SUPT6H: variants seen among roughly 807,000 people sequenced by gnomAD.
The protein encoded by SUPT6H is transcription elongation factor SPT6.
Under a neutral mutation model 222.3 loss-of-function variants are expected in SUPT6H, and 11 were observed. The observed-to-expected ratio is 0.05, with a 90% CI of 0.03 to 0.08. The LOEUF is 0.08. Ranked by LOEUF, SUPT6H falls within the 10% of genes least tolerant of loss-of-function variation. The pLI is 1.00. For missense variants in SUPT6H, 1,422 were observed against 2,216.0 expected (o/e 0.64, Z 7.19); for synonymous variants, 762 against 801.2 (o/e 0.95, Z 0.83).
chr17:28,697,591 C>T (rs758695344), intron 30 of SUPT6H, 29 bp from the exon 31 acceptor site: 5 of 1,571,520 alleles, frequency 3.2e-6, no homozygotes, highest in Non-Finnish European at 4.4e-6. Context: ...CTGGATATGA[C>T]ACATGGGGCC....
rs760019141 is a variant in SUPT6H at position 28,693,721 on chromosome 17, C to T, written c.3659C>T (p.Ser1220Leu). 1.9e-6 allele frequency: 3 copies of T among 1,614,228 alleles called. No individual in the cohort carries two copies. The highest frequency in any genetic ancestry group is 2.2e-5 in the South Asian group (2 of 91,080). ...GTGTGGAACCACTTTGACAGCGGTT[C>T]GTGCCCAGGCCAGGCCATCGGTGTC... Reference protein sequence around the residue: ...SEVWNHFDSGSCPGQAIGVKT... With the variant: ...SEVWNHFDSGLCPGQAIGVKT... The change falls in exon 28 of 37, where the codon TCG (serine) becomes TTG (leucine). Residue 1220 changes from serine to leucine, a missense_variant. Around this residue, in one of 13 missense-constraint regions of SUPT6H, gnomAD observed 39 missense variants for 124.2 expected, o/e 0.31. Transcript: ENST00000314616.
intron 12 of SUPT6H, 77 bp from the exon 13 acceptor site, chr17:28,681,805 G>A (rs749482823): frequency 1.5e-6 from 2 of 1,307,082 alleles, no homozygotes; most frequent in Non-Finnish European, 2.1e-6. Flanking sequence ...ACCCTTTGAG[G>A]CTTCTCTCCT....
At chr17:28,671,107 G>A (rs897509612) in intron 1 of SUPT6H, 1 of 152,124 alleles carries the variant, frequency 6.6e-6, no homozygotes, top group African/African-American at 2.4e-5. Flanking sequence ...AGCTCCGTAA[G>A]GGCAATTTTG....
Position 28,701,755 on chromosome 17 carries a change from C to T in SUPT6H, c.*130C>T. ...GTGAGACGTTCTCTTTGGTGGTCAA[C>T]CCGGATGGGTGACAGGCTGGATGGC... is the stretch of plus-strand genomic sequence containing the variant. On this transcript the variant is annotated 3_prime_UTR_variant, in exon 37 of 37. Transcript: ENST00000314616. 1 of 996,000 alleles carries T rather than the reference C, an allele frequency of 1.0e-6. No homozygotes were observed. Among genetic ancestry groups the T allele is most frequent in the African/African-American group, 1.6e-5 (1 of 61,664 alleles). 61.7% of individuals were successfully genotyped at this position (996,000 alleles called of 1,614,324 possible). A position where few individuals can be genotyped will look rare whatever the true frequency, so the allele number is the denominator to read the frequency against.
Position 28,697,100 on chromosome 17 carries a change from C to T in SUPT6H, c.4209+18C>T. ...ACAGTGAGGTGAGAGCCAGTGCCTG[C>T]CCACCTCCCATCCCACTCCTGCTTC... On this transcript the variant is annotated intron_variant, in intron 30 of 36. Transcript: ENST00000314616. 1 of 1,605,848 alleles carries T rather than the reference C, an allele frequency of 6.2e-7. No homozygotes were observed.
At chr17:28,683,227 A>G in intron 15 of SUPT6H, 41 bp from the exon 16 acceptor site, 1 of 1,606,520 alleles carries the variant, frequency 6.2e-7, no homozygotes, top group Non-Finnish European at 8.5e-7. Flanking sequence ...GGCCTGGCCC[A>G]GCCCATCCGC....
chr17:28,695,612 A>T (rs936021283), intron 29 of SUPT6H, 65 bp downstream of exon 29: 10 of 1,520,476 alleles, frequency 6.6e-6, no homozygotes, highest in Non-Finnish European at 8.0e-6. Flanking sequence ...TGCAGGATTC[A>T]GGCCACAGGA....
intron 28 of SUPT6H, among the ~76,000 whole-genome samples, chr17:28,694,819 C>A (rs999765474): frequency 6.6e-6 from 1 of 152,172 alleles, no homozygotes; most frequent in African/African-American, 2.4e-5. Context: ...GCCTGGCCAA[C>A]ATGGTGAAAC....
intron 27 of SUPT6H, 44 bp from the exon 28 acceptor site, chr17:28,693,652 C>G (rs768840479): frequency 5.0e-6 from 8 of 1,611,820 alleles, no homozygotes; most frequent in Non-Finnish European, 5.9e-6. Context: ...TGAGCGATCT[C>G]CAGAATATTG....
chr17:28,688,257 T>C lies in SUPT6H; in HGVS notation c.3134+39T>C, dbSNP rs1438512857. On this transcript the variant is annotated intron_variant, in intron 24 of 36. Coordinates refer to ENST00000314616, the MANE Select transcript of SUPT6H (RefSeq NM_003170.5). The surrounding 1 kb of genome is among the most constrained non-coding windows in gnomAD (Gnocchi z 4.3). The stretch of plus-strand genomic sequence containing the variant: ...CCTGGATGGGGCAGGAGGAATTCCC[T>C]TGTGGGCTTTGTTTTCGGGTTTCAG... 52 of 1,593,750 alleles carry C rather than the reference T, an allele frequency of 3.3e-5. No homozygotes were observed. Among genetic ancestry groups the C allele is most frequent in the Non-Finnish European group, 4.3e-5 (50 of 1,169,206 alleles).
In SUPT6H at chr17:28,700,497, C is replaced by G. The variant is rs759550724; in HGVS notation, c.4791C>G (p.Gly1597=). The G allele has an allele frequency of 6.2e-7, 1 of 1,613,826 alleles. No homozygotes were observed. Among genetic ancestry groups the G allele is most frequent in the African/African-American group, 1.3e-5 (1 of 74,952 alleles). The change falls in exon 35 of 37, where the codon GGC becomes GGG. Residue 1597 remains glycine, a synonymous_variant. Coordinates refer to ENST00000314616, the MANE Select transcript of SUPT6H (RefSeq NM_003170.5). The part of the protein sequence containing the change: ...SQYGYGGSGG[G]SSAYHVFPTP... ...ACGGCTATGGCGGCAGTGGAGGCGG[C>G]AGCAGTGCTTACCACGTATGTGGCT...
In SUPT6H at chr17:28,678,214, G is replaced by A. The variant is rs374829212; in HGVS notation, c.1116+22G>A. On this transcript the variant is annotated intron_variant, in intron 9 of 36. Transcript: ENST00000314616. ...TGAGGTAACACCTCAAGCTCTGGTG[G>A]CCCATTGGTGAGAAATTTAGTTAGG... 1.3e-4 allele frequency: 202 copies of A among 1,593,548 alleles called. 2 individuals are homozygous for A. The African/African-American group carries it at 2.2e-3, about 17-fold the overall frequency.
chr17:28,694,435 T>C (rs1471359888), intron 28 of SUPT6H, among the ~76,000 whole-genome samples: 1 of 152,252 alleles, frequency 6.6e-6, no homozygotes, highest in African/African-American at 2.4e-5. Flanking sequence ...TATTGTCTTT[T>C]GTCAGAGAAA....
At position 28,688,373 on chromosome 17, in the gene SUPT6H, G is replaced by A; in HGVS notation, c.3134+155G>A. 1 of 895,664 alleles carries A rather than the reference G, an allele frequency of 1.1e-6. No homozygotes were observed. Among genetic ancestry groups the A allele is most frequent in the Non-Finnish European group, 1.6e-6 (1 of 643,722 alleles). The allele number at this position is 895,664 out of a possible 1,614,324, so 55.5% of individuals were successfully genotyped here. A position where few individuals can be genotyped will look rare whatever the true frequency, so the allele number is the denominator to read the frequency against. On this transcript the variant is annotated intron_variant, in intron 24 of 36. Transcript: ENST00000314616. This position sits in a 1 kb window ranked among gnomAD's most constrained non-coding sequence, Gnocchi z 4.3. ...GAACTTTATTCAGTCAAGAGCCCCTGACCTATGGAAAAGATCGGTTCAATC... is the reference window on the plus strand; with the variant it reads ...GAACTTTATTCAGTCAAGAGCCCCTAACCTATGGAAAAGATCGGTTCAATC...
At chr17:28,691,386 TGTG>T (rs768213691) in intron 27 of SUPT6H, 14 of 250,486 alleles carry the variant, frequency 5.6e-5, no homozygotes, top group Admixed American at 2.8e-4. Context: ...ATTAGCCAGT[TGTG>T]GTGGCATACG....
Position 28,683,783 on chromosome 17 carries a change from G to A in SUPT6H, c.2196G>A (p.Lys732=), listed in dbSNP as rs764613691. ...AGATGGCCAAAGAACTCAAGAACAA[G>A]CTGCTGGCTGAAGCCAAGGAATATG... is the stretch of plus-strand genomic sequence containing the variant. ...YVQMAKELKN[K]LLAEAKEYVI... Residue 732 remains lysine, a synonymous_variant, in exon 17 of 37, where the codon AAG becomes AAA. Coordinates refer to ENST00000314616, the MANE Select transcript of SUPT6H (RefSeq NM_003170.5). 8 of 1,613,818 alleles carry A rather than the reference G, an allele frequency of 5.0e-6. No homozygotes were observed. The highest frequency in any genetic ancestry group is 5.9e-6 in the Non-Finnish European group (7 of 1,179,980).
Position 28,700,950 on chromosome 17 carries a change from A to G in SUPT6H, c.4816A>G (p.Thr1606Ala), listed in dbSNP as rs749032161. The G allele has an allele frequency of 6.2e-7, 1 of 1,611,202 alleles. No individual in the cohort carries two copies. Among genetic ancestry groups the G allele is most frequent in the East Asian group, 2.2e-5 (1 of 44,754 alleles). The change falls in exon 36 of 37, where the codon ACG (threonine) becomes GCG (alanine). Residue 1606 changes from threonine to alanine, a missense_variant. This residue lies in a region of SUPT6H where 395 missense variants were observed against 580.6 expected (regional missense o/e 0.68). Coordinates refer to ENST00000314616, the MANE Select transcript of SUPT6H (RefSeq NM_003170.5). ...GTTCATGCCTCTCCAGGTATTCCCA[A>G]CGCCAGCCCAGCAGCCAGTGGCCAC... ...GGSSAYHVFPTPAQQPVATPL... is the reference protein window; with the variant it reads ...GGSSAYHVFPAPAQQPVATPL...
At chr17:28,671,000 T>G (rs979342400) in intron 1 of SUPT6H, 1 of 152,208 alleles carries the variant, frequency 6.6e-6, no homozygotes, top group African/African-American at 2.4e-5. Flanking sequence ...ATCTGAAACC[T>G]CAACCGAAAA....
chr17:28,676,081 A>G, intron 6 of SUPT6H, 76 bp from the exon 7 acceptor site: 1 of 1,484,440 alleles, frequency 6.7e-7, no homozygotes, highest in Non-Finnish European at 9.0e-7. Flanking sequence ...TGGGACAAGT[A>G]AAGGATCTAT....
Sources: gnomAD v4.1 joint callset for allele counts (sites outside exome capture counted in the v4.1 genomes callset) on GRCh38, gnomAD v4.1.1 for gene constraint, gnomAD v4.1.1 regional missense constraint, Gnocchi (gnomAD v3.1) non-coding constraint, MANE v1.5 for transcripts, NCBI Gene and HGNC (gene_info 2026-07-23, HGNC 2026-07-21) for gene names.